The following CHMP4B variants were observed in gnomAD, a reference collection of about 807,000 sequenced individuals.
CHMP4B encodes the protein SNF7 homolog associated with Alix 1.
Under a neutral mutation model 25.1 loss-of-function variants are expected in CHMP4B, and 1 was observed. The ratio of observed to expected loss-of-function variants is 0.04; its 90% confidence interval spans 0.01 to 0.19. The LOEUF is 0.19. Among genes scored for constraint, CHMP4B ranks in the 10% least tolerant of loss-of-function variants. CHMP4B has a pLI of 1.00. For synonymous variants in CHMP4B, 101 were observed against 115.6 expected (o/e 0.87, Z 0.81); for missense variants, 151 against 289.7 (o/e 0.52, Z 3.48).
chr20:33,834,326 T>C (rs1021583922), intron 1 of CHMP4B, among the ~76,000 whole-genome samples: 3 of 152,200 alleles, frequency 2.0e-5, no homozygotes, highest in African/African-American at 7.2e-5. Context: ...GTATTTTTTT[T>C]TGGAGACAGG....
intron 1 of CHMP4B, among the ~76,000 whole-genome samples, chr20:33,822,926 C>T (rs929714586): frequency 4.6e-5 from 7 of 151,976 alleles, no homozygotes; most frequent in Non-Finnish European, 8.8e-5. Context: ...TCCTGAGTAG[C>T]TACAGGTGCC....
At chr20:33,850,310 C>T (rs1168567208) in intron 2 of CHMP4B, among the ~76,000 whole-genome samples, 1 of 152,164 alleles carries the variant, frequency 6.6e-6, no homozygotes, top group East Asian at 1.9e-4. Context: ...GGTGGATGTT[C>T]ATTGGACCGA....
chr20:33,852,679 G>T (rs769555470), intron 4 of CHMP4B, among the ~76,000 whole-genome samples: 1 of 152,212 alleles, frequency 6.6e-6, no homozygotes, highest in Non-Finnish European at 1.5e-5. Context: ...CACTAAAGAA[G>T]AGAAAGTTCC....
rs767880070 is a variant in CHMP4B, at chr20:33,853,518, C to G, written c.633C>G (p.Asp211Glu). The G allele has an allele frequency of 1.2e-6, 2 of 1,613,646 alleles. No homozygotes were observed. Among genetic ancestry groups the G allele is most frequent in the Non-Finnish European group, 8.5e-7 (1 of 1,179,880 alleles). Residue 211 changes from aspartate to glutamate, a missense_variant, in exon 5 of 5, where the codon GAC (aspartate) becomes GAG (glutamate). By Grantham distance (45) the Asp-to-Glu change is conservative (BLOSUM62 2). Transcript: ENST00000217402. ...CAGCCAAGAAGAAAGAAGAGGAGGA[C>G]GACGACATGAAGGAATTGGAGAACT... The part of the protein sequence containing the change: ...SKPAKKKEEE[D>E]DDMKELENWA...
rs778873687 is a variant in CHMP4B, at chr20:33,853,566, T to C, written c.*6T>C. The C allele has an allele frequency of 1.2e-6, 2 of 1,611,920 alleles. No homozygotes were observed. The highest frequency in any genetic ancestry group is 3.3e-5 in the Admixed American group (2 of 59,972). ...ACTGGGCTGGATCCATGTAATGGGG[T>C]CCAGCGCTGGCTGGGCCCAGACAGA... is the stretch of plus-strand genomic sequence containing the variant. On this transcript the variant is annotated 3_prime_UTR_variant, in exon 5 of 5. Transcript: ENST00000217402.
At chr20:33,834,182 C>T (rs7262719) in intron 1 of CHMP4B, among the ~76,000 whole-genome samples, 3 of 152,224 alleles carry the variant, frequency 2.0e-5, no homozygotes, top group East Asian at 1.9e-4. Context: ...TTGAACTTCT[C>T]GAAGAGCCAG....
intron 1 of CHMP4B, among the ~76,000 whole-genome samples, chr20:33,847,765 G>T (rs191654648): frequency 2.6e-5 from 4 of 152,252 alleles, no homozygotes; most frequent in African/African-American, 4.8e-5. Context: ...CCATCTTCAG[G>T]CATGGGGCTT....
At chr20:33,824,451 A>G (rs1238802528) in intron 1 of CHMP4B, among the ~76,000 whole-genome samples, 1 of 152,246 alleles carries the variant, frequency 6.6e-6, no homozygotes, top group Non-Finnish European at 1.5e-5. Flanking sequence ...GGGGGTCCCA[A>G]GAGTGACTGG....
chr20:33,813,034 T>C (rs1253043909), intron 1 of CHMP4B, among the ~76,000 whole-genome samples: 1 of 151,828 alleles, frequency 6.6e-6, no homozygotes, highest in African/African-American at 2.4e-5. Context: ...AAAGATGGTC[T>C]GATAGGGAGT....
chr20:33,824,065 A>G (rs1979020518), intron 1 of CHMP4B, among the ~76,000 whole-genome samples: 1 of 152,232 alleles, frequency 6.6e-6, no homozygotes, highest in African/African-American at 2.4e-5. Context: ...TCCCTGTACA[A>G]TATGAGCACC....
intron 1 of CHMP4B, among the ~76,000 whole-genome samples, chr20:33,819,390 G>A (rs954206366): frequency 1.7e-4 from 26 of 152,200 alleles, no homozygotes; most frequent in Admixed American, 1.4e-3. Context: ...AAAAGTGATC[G>A]TATTTTCCTG....
At chr20:33,832,603 G>A (rs1321800717) in intron 1 of CHMP4B, among the ~76,000 whole-genome samples, 4 of 152,012 alleles carry the variant, frequency 2.6e-5, no homozygotes, top group Admixed American at 2.0e-4. Flanking sequence ...AAGTGCCTTC[G>A]TTGCCTCAGT....
intron 1 of CHMP4B, among the ~76,000 whole-genome samples, chr20:33,837,965 C>T (rs1029166426): frequency 1.3e-5 from 2 of 152,164 alleles, no homozygotes; most frequent in Non-Finnish European, 2.9e-5. Flanking sequence ...CCTAATCCGC[C>T]CTTCTTGTGT....
At chr20:33,842,330 T>C (rs1429373219) in intron 1 of CHMP4B, among the ~76,000 whole-genome samples, 1 of 152,152 alleles carries the variant, frequency 6.6e-6, no homozygotes, top group Admixed American at 6.5e-5. Context: ...GGGTCTTTTC[T>C]TGCCCATACA....
In CHMP4B at chr20:33,839,312, C is replaced by T. The variant is rs577120129; in HGVS notation, c.191-9155C>T. Among the ~76,000 whole-genome samples, 5 of 152,116 alleles carry T rather than the reference C, an allele frequency of 3.3e-5. No homozygotes were observed. In the South Asian group the frequency reaches 1.0e-3, roughly 32 times the overall value. On this transcript the variant is annotated intron_variant, in intron 1 of 4. Coordinates refer to ENST00000217402, the MANE Select transcript of CHMP4B (RefSeq NM_176812.5). ...GCGTTATGGAGTGCCCCTCCCTTCT[C>T]CCTGTCTCAGTGCTGTTAGGGGCAC...
chr20:33,817,209 C>T (rs951230109), intron 1 of CHMP4B, among the ~76,000 whole-genome samples: 5 of 152,134 alleles, frequency 3.3e-5, no homozygotes, highest in African/African-American at 9.7e-5. Flanking sequence ...CCCTCAGTGA[C>T]GCTTAAGTTT....
In CHMP4B at chr20:33,821,818, T is replaced by TCTTTTTCTTTC. The variant is rs1331116174; in HGVS notation, c.190+10161_190+10171dup. ...TATTGCTATTTTCTTTCTTTTCTTTTCTTTTTCTTTCTTTCTTTCTTTGTC... is the reference window on the plus strand; with the variant it reads ...TATTGCTATTTTCTTTCTTTTCTTTTCTTTTTCTTTCCTTTTTCTTTCTTTCTTTCTTTGTC... On this transcript the variant is annotated intron_variant, in intron 1 of 4. Transcript: ENST00000217402. 2.0e-5 allele frequency among the ~76,000 whole-genome samples: 3 copies of TCTTTTTCTTTC among 152,168 alleles called. No individual in the cohort carries two copies. In the East Asian group the frequency reaches 5.8e-4, roughly 29 times the overall value.
chr20:33,844,844 C>T (rs58617732), intron 1 of CHMP4B, among the ~76,000 whole-genome samples: 38,660 of 151,208 alleles, frequency 0.26, 5,604 homozygotes, highest in East Asian at 0.57. Flanking sequence ...CTACAAGCTC[C>T]GCCTCCTGGG....
intron 1 of CHMP4B, among the ~76,000 whole-genome samples, chr20:33,813,199 A>T (rs1978688552): frequency 6.6e-6 from 1 of 151,826 alleles, no homozygotes; most frequent in Non-Finnish European, 1.5e-5. Flanking sequence ...AGCATGGGAA[A>T]AGGCTCGGAG....
Sources: allele counts gnomAD v4.1 joint callset (sites outside exome capture counted in the v4.1 genomes callset), GRCh38; gene constraint gnomAD v4.1.1; transcripts MANE v1.5; gene names NCBI Gene and HGNC (gene_info 2026-07-23, HGNC 2026-07-21).